ATP9A: variants seen among roughly 807,000 people sequenced by gnomAD.
The protein encoded by ATP9A is ATPase phospholipid transporting 9A.
Under a neutral mutation model 144.1 loss-of-function variants are expected in ATP9A, and 52 were observed. That is an observed-to-expected ratio of 0.36 (90% CI 0.29 to 0.45). The LOEUF (loss-of-function observed/expected upper bound fraction) is 0.45. Among genes scored for constraint, ATP9A ranks in the 20% least tolerant of loss-of-function variants. ATP9A has a pLI of 1.00. For missense variants in ATP9A, 947 were observed against 1,392.7 expected, an observed-to-expected ratio of 0.68 and a Z score of 5.09; for synonymous variants, 582 against 557.4, an observed-to-expected ratio of 1.04 and a Z score of -0.62.
Position 51,625,189 on chromosome 20 carries a change from T to C in ATP9A, c.2016+3A>G. ...GCCCTTCCCTGCGGGCAGCCCGCCCTACCTTGATGCCAGCATTCCTCAGGG... is the reference window on the plus strand; with the variant it reads ...GCCCTTCCCTGCGGGCAGCCCGCCCCACCTTGATGCCAGCATTCCTCAGGG... On this transcript the variant is annotated splice_donor_region_variant and intron_variant, in intron 18 of 27. Transcript: ENST00000338821. 6.2e-7 allele frequency: 1 copy of C among 1,609,888 alleles called. No homozygotes were observed.
At chr20:51,763,560 A>G (rs565996819) in intron 1 of ATP9A, among the ~76,000 whole-genome samples, 117 of 151,494 alleles carry the variant, frequency 7.7e-4, no homozygotes, top group Non-Finnish European at 1.3e-3. Context: ...TGATCCGCCC[A>G]CCTTGGCCTC....
intron 19 of ATP9A, 68 bp downstream of exon 19, chr20:51,622,006 A>C (rs2235862): frequency 7.3e-7 from 1 of 1,374,174 alleles, no homozygotes; most frequent in East Asian, 2.3e-5. Context: ...GGGCCCACTC[A>C]AGGTTAGGAG....
At chr20:51,610,763 C>A (rs534289535) in intron 23 of ATP9A, among the ~76,000 whole-genome samples, 2 of 152,272 alleles carry the variant, frequency 1.3e-5, no homozygotes, top group African/African-American at 4.8e-5. Flanking sequence ...AGAAAAAGAG[C>A]CTCTGAAGTG....
chr20:51,727,405 G>C (rs1262819193), intron 2 of ATP9A, among the ~76,000 whole-genome samples: 1 of 151,916 alleles, frequency 6.6e-6, no homozygotes, highest in Non-Finnish European at 1.5e-5. Flanking sequence ...TGGCAACATG[G>C]TAAAACCCCA....
At chr20:51,648,054 C>T (rs1029397829) in intron 14 of ATP9A, among the ~76,000 whole-genome samples, 5 of 152,208 alleles carry the variant, frequency 3.3e-5, no homozygotes, top group Admixed American at 6.5e-5. Flanking sequence ...GTCATGGCAA[C>T]GTGGTGGTAA....
At chr20:51,709,992 G>A (rs1379129576) in intron 4 of ATP9A, among the ~76,000 whole-genome samples, 1 of 152,066 alleles carries the variant, frequency 6.6e-6, no homozygotes, top group African/African-American at 2.4e-5. Flanking sequence ...AAATACTGTT[G>A]AAAAGAACAT....
intron 26 of ATP9A, 117 bp downstream of exon 26, chr20:51,607,410 A>T: frequency 2.1e-6 from 2 of 931,066 alleles, no homozygotes; most frequent in South Asian, 1.6e-5. Flanking sequence ...TCCCACTGCC[A>T]CCCTCCTTCC....
At chr20:51,711,088 C>CAGT (rs368864552) in intron 4 of ATP9A, among the ~76,000 whole-genome samples, 181 of 152,278 alleles carry the variant, frequency 1.2e-3, no homozygotes, top group African/African-American at 4.2e-3. Flanking sequence ...ACTACTCACG[C>CAGT]AGAAAGCCCA....
intron 9 of ATP9A, among the ~76,000 whole-genome samples, chr20:51,688,138 T>C (rs1394413151): frequency 1.3e-5 from 2 of 152,222 alleles, no homozygotes; most frequent in Admixed American, 6.5e-5. Flanking sequence ...TAATAGTATC[T>C]ACCCTCATGG....
At chr20:51,752,076 A>G (rs1373242623) in intron 1 of ATP9A, among the ~76,000 whole-genome samples, 1 of 152,154 alleles carries the variant, frequency 6.6e-6, no homozygotes. Flanking sequence ...ACAAGAAAAA[A>G]AAAATATATG....
In ATP9A at chr20:51,758,249, T is replaced by G. The variant is rs1290219397; in HGVS notation, c.68+10053A>C. Reference sequence around the variant, plus strand: ...ACAAATTAGAGAAAACAGATACTAGTTGTTAAAATCAGAATCATTCTAAAT... The same window carrying G: ...ACAAATTAGAGAAAACAGATACTAGGTGTTAAAATCAGAATCATTCTAAAT... On this transcript the variant is annotated intron_variant, in intron 1 of 27. Coordinates refer to ENST00000338821, the MANE Select transcript of ATP9A (RefSeq NM_006045.3). Among the ~76,000 whole-genome samples, 5 of 152,136 alleles carry G rather than the reference T, an allele frequency of 3.3e-5. No individual in the cohort carries two copies. The South Asian group carries it at 8.3e-4, about 25-fold the overall frequency.
rs1313367391 is a variant in ATP9A at position 51,768,346 on chromosome 20, C to T, written c.24G>A (p.Gln8=). ...CCATCCGCTTCTTCTGGCGCACCGGCTGCAGCGGGATGTTGTCCGTCATGT... is the reference window on the plus strand; with the variant it reads ...CCATCCGCTTCTTCTGGCGCACCGGTTGCAGCGGGATGTTGTCCGTCATGT... MTDNIPL[Q]PVRQKKRMDS... is the part of the protein sequence containing the mutation. Residue 8 remains glutamine, a synonymous_variant, in exon 1 of 28, where the codon CAG becomes CAA. Transcript: ENST00000338821. 6.9e-6 allele frequency: 9 copies of T among 1,305,696 alleles called. No homozygotes were observed. The highest frequency in any genetic ancestry group is 6.5e-5 in the East Asian group (2 of 30,922). 80.9% of individuals were successfully genotyped at this position (1,305,696 alleles called of 1,614,324 possible).
chr20:51,728,855 T>C (rs1277415119), intron 2 of ATP9A, among the ~76,000 whole-genome samples: 1 of 152,216 alleles, frequency 6.6e-6, no homozygotes, highest in Admixed American at 6.5e-5. Context: ...ACTACCATTA[T>C]GTTCCTTTCT....
intron 4 of ATP9A, among the ~76,000 whole-genome samples, chr20:51,708,042 A>G (rs1050133524): frequency 6.6e-6 from 1 of 152,196 alleles, no homozygotes; most frequent in African/African-American, 2.4e-5. Context: ...ATTTCCTAAA[A>G]TAATGACTAA....
At chr20:51,757,019 C>A (rs1205599311) in intron 1 of ATP9A, among the ~76,000 whole-genome samples, 1 of 152,072 alleles carries the variant, frequency 6.6e-6, no homozygotes, top group Admixed American at 6.6e-5. Flanking sequence ...ATTCACCCCC[C>A]AGAGGACACT....
rs140739429 is a variant in ATP9A, at chr20:51,673,778, G to A, written c.1037+375C>T. 3.5e-4 allele frequency among the ~76,000 whole-genome samples: 53 copies of A among 152,190 alleles called. 1 individual carries two copies. In the East Asian group the frequency reaches 8.9e-3, roughly 26 times the overall value. On this transcript the variant is annotated intron_variant, in intron 11 of 27. Transcript: ENST00000338821. The stretch of plus-strand genomic sequence containing the variant: ...GCTCCTTCTAAAAGCCGATGGGCGC[G>A]GTGGCTCACACCTACAATCCCAGTA...
At chr20:51,746,815 G>A (rs2077810239) in intron 1 of ATP9A, among the ~76,000 whole-genome samples, 1 of 152,150 alleles carries the variant, frequency 6.6e-6, no homozygotes, top group Non-Finnish European at 1.5e-5. Flanking sequence ...CTCCAGCCTG[G>A]GCAACAGAGC....
intron 4 of ATP9A, among the ~76,000 whole-genome samples, chr20:51,699,645 CT>C (rs993514881): frequency 3.3e-5 from 5 of 151,064 alleles, no homozygotes; most frequent in Non-Finnish European, 5.9e-5. Context: ...CTTCTGACTT[CT>C]TTTTTTTTCT....
chr20:51,706,995 G>C (rs1333415134), intron 4 of ATP9A, among the ~76,000 whole-genome samples: 6 of 152,142 alleles, frequency 3.9e-5, no homozygotes, highest in Non-Finnish European at 2.9e-5. Context: ...AGAGGCTCAG[G>C]AAACTTCGCC....
Sources: allele counts gnomAD v4.1 joint callset (sites outside exome capture counted in the v4.1 genomes callset), GRCh38; gene constraint gnomAD v4.1.1; transcripts MANE v1.5; gene names NCBI Gene and HGNC (gene_info 2026-07-23, HGNC 2026-07-21).